Variants in IQCJ observed in about 807,000 individuals in gnomAD.
IQCJ encodes the protein IQ motif containing J.
A neutral mutation model predicts 11.0 loss-of-function variants in IQCJ; 9 were observed. The observed-to-expected ratio is 0.82, with a 90% CI of 0.49 to 1.43. The LOEUF (loss-of-function observed/expected upper bound fraction) is 1.43. IQCJ is among the 40% of genes most tolerant of loss of function. The probability of loss-of-function intolerance (pLI) is 0.00; values close to 1 mark genes in which losing one functional copy is unlikely to be tolerated. For synonymous variants in IQCJ, 55 were observed against 51.3 expected (o/e 1.07, Z -0.31); for missense variants, 146 against 133.2 (o/e 1.10, Z -0.47).
At chr3:159,240,887 C>T (rs1184656681) in intron 1 of IQCJ, among the ~76,000 whole-genome samples, 4 of 152,140 alleles carry the variant, frequency 2.6e-5, no homozygotes, top group African/African-American at 9.6e-5. Flanking sequence ...GCCACCGCAC[C>T]CGGCCCCGTC....
At chr3:159,146,388 T>C (rs1030834322) in intron 1 of IQCJ, among the ~76,000 whole-genome samples, 2 of 152,188 alleles carry the variant, frequency 1.3e-5, no homozygotes, top group Non-Finnish European at 2.9e-5. Context: ...CAGGCACTGT[T>C]TTCTAGGCCT....
intron 1 of IQCJ, among the ~76,000 whole-genome samples, chr3:159,128,177 G>A (rs2108154973): frequency 6.6e-6 from 1 of 152,214 alleles, no homozygotes; most frequent in African/African-American, 2.4e-5. Flanking sequence ...ATCAGGCAAA[G>A]GTAAATGTAA....
chr3:159,153,277 T>G (rs112911208), intron 1 of IQCJ, among the ~76,000 whole-genome samples: 1 of 152,196 alleles, frequency 6.6e-6, no homozygotes, highest in African/African-American at 2.4e-5. Flanking sequence ...TAAGAAACTT[T>G]CCTGTAGGAG....
chr3:159,227,384 A>G (rs1029630674), intron 1 of IQCJ, among the ~76,000 whole-genome samples: 5 of 152,208 alleles, frequency 3.3e-5, no homozygotes, highest in Admixed American at 3.3e-4. Context: ...CTGCTTACCT[A>G]GAGTAAGCAT....
intron 1 of IQCJ, among the ~76,000 whole-genome samples, chr3:159,144,596 C>T (rs190332945): frequency 9.9e-5 from 15 of 152,170 alleles, no homozygotes; most frequent in Admixed American, 9.2e-4. Context: ...TGACTTCTGA[C>T]TTCTGGTCTG....
chr3:159,114,507 C>T (rs923516750), intron 1 of IQCJ, among the ~76,000 whole-genome samples: 3 of 151,488 alleles, frequency 2.0e-5, no homozygotes, highest in Admixed American at 6.6e-5. Context: ...GAAGGGGTTT[C>T]GCCATGTTGG....
chr3:159,254,913 G>T (rs771726557), intron 3 of IQCJ, among the ~76,000 whole-genome samples: 2 of 152,238 alleles, frequency 1.3e-5, no homozygotes, highest in Non-Finnish European at 2.9e-5. Context: ...CCCCCCAATA[G>T]TATAGGCTGC....
At chr3:159,191,814 A>T (rs1285544022) in intron 1 of IQCJ, among the ~76,000 whole-genome samples, 1 of 152,196 alleles carries the variant, frequency 6.6e-6, no homozygotes, top group Non-Finnish European at 1.5e-5. Flanking sequence ...CCAAGGTTAA[A>T]AATTCTATTT....
intron 1 of IQCJ, among the ~76,000 whole-genome samples, chr3:159,096,430 A>G (rs1717761197): frequency 1.4e-5 from 2 of 141,970 alleles, no homozygotes; most frequent in African/African-American, 5.4e-5. Flanking sequence ...TTGGACGTGA[A>G]GTCCTTGCCC....
chr3:159,194,007 C>T (rs925082051), intron 1 of IQCJ, among the ~76,000 whole-genome samples: 3 of 152,190 alleles, frequency 2.0e-5, no homozygotes, highest in Admixed American at 6.5e-5. Flanking sequence ...ACCCTTCAGA[C>T]ATTTTGATAT....
At chr3:159,132,920 CTTGCTTTCTTTCT>C (rs1387060477) in intron 1 of IQCJ, among the ~76,000 whole-genome samples, 6 of 144,936 alleles carry the variant, frequency 4.1e-5, no homozygotes, top group African/African-American at 1.2e-4. Flanking sequence ...TGCTTTCTTG[CTTGCTTTCTTTCT>C]TTGCTTTCTT....
intron 2 of IQCJ, 78 bp downstream of exon 2, chr3:159,245,985 A>C: frequency 8.7e-7 from 1 of 1,146,534 alleles, no homozygotes; most frequent in Non-Finnish European, 1.2e-6. Flanking sequence ...TGGTAAAAAT[A>C]AGTAAGTAAA....
chr3:159,185,276 C>T (rs1723313361), intron 1 of IQCJ, among the ~76,000 whole-genome samples: 1 of 152,134 alleles, frequency 6.6e-6, no homozygotes, highest in South Asian at 2.1e-4. Flanking sequence ...CCTGCCCCTT[C>T]CATATCTCAC....
At position 159,202,620 on chromosome 3, in the gene IQCJ, C is replaced by T. The variant is rs569756306; in HGVS notation, c.10-43223C>T. Among the ~76,000 whole-genome samples the T allele has an allele frequency of 8.5e-5, 13 of 152,146 alleles. No individual in the cohort carries two copies. The South Asian group carries it at 1.9e-3, about 22-fold the overall frequency. On this transcript the variant is annotated intron_variant, in intron 1 of 3. Coordinates refer to ENST00000397832, the MANE Select transcript of IQCJ (RefSeq NM_001042706.3). ...TCTGCACCTCTATTGCCAAAGCCTG[C>T]GGAATGTTCTATAGTGGCAAGCTAA...
At chr3:159,204,087 TG>T (rs1560024493) in intron 1 of IQCJ, among the ~76,000 whole-genome samples, 1 of 152,220 alleles carries the variant, frequency 6.6e-6, no homozygotes, top group Admixed American at 6.5e-5. Context: ...TCTCCACCTA[TG>T]AAAGGCTGGA....
intron 1 of IQCJ, among the ~76,000 whole-genome samples, chr3:159,221,652 G>C (rs1220627939): frequency 6.6e-6 from 1 of 151,898 alleles, no homozygotes; most frequent in African/African-American, 2.4e-5. Flanking sequence ...TTTCCCTCTT[G>C]GTCCAAATTC....
At chr3:159,103,480 A>G (rs922388560) in intron 1 of IQCJ, among the ~76,000 whole-genome samples, 3 of 152,238 alleles carry the variant, frequency 2.0e-5, no homozygotes, top group Non-Finnish European at 4.4e-5. Flanking sequence ...TATGGCTTGA[A>G]TTAAGGGTAT....
chr3:159,203,468 C>T (rs1724467587), intron 1 of IQCJ, among the ~76,000 whole-genome samples: 1 of 151,790 alleles, frequency 6.6e-6, no homozygotes, highest in African/African-American at 2.4e-5. Context: ...CACTCAATTC[C>T]ACTCCCTTTC....
chr3:159,258,000 T>A (rs1045208395), intron 3 of IQCJ, among the ~76,000 whole-genome samples: 1 of 152,188 alleles, frequency 6.6e-6, no homozygotes, highest in South Asian at 2.1e-4. Flanking sequence ...CTCAAACTAA[T>A]TTATAGATGT....
Sources: allele counts gnomAD v4.1 joint callset (sites outside exome capture counted in the v4.1 genomes callset), GRCh38; gene constraint gnomAD v4.1.1; transcripts MANE v1.5; gene names NCBI Gene and HGNC (gene_info 2026-07-23, HGNC 2026-07-21).